The following ZMYND11 variants were observed in gnomAD, a reference collection of about 807,000 sequenced individuals.
ZMYND11 encodes zinc finger MYND domain-containing protein 11.
In ZMYND11, 9 loss-of-function variants were observed where a neutral mutation model predicts 84.9. The observed-to-expected ratio is 0.11, with a 90% CI of 0.06 to 0.18. The LOEUF (loss-of-function observed/expected upper bound fraction) is 0.18, where lower values mean the gene tolerates loss of function less well. ZMYND11 is among the 10% of genes least tolerant of loss of function. The probability of loss-of-function intolerance (pLI) is 1.00; values close to 1 mark genes in which losing one functional copy is unlikely to be tolerated. For synonymous variants in ZMYND11, 250 were observed against 244.1 expected, an observed-to-expected ratio of 1.02 and a Z score of -0.23; for missense variants, 409 against 761.0, an observed-to-expected ratio of 0.54 and a Z score of 5.44.
intron 3 of ZMYND11, among the ~76,000 whole-genome samples, chr10:211,462 T>C (rs993931189): frequency 2.0e-5 from 3 of 152,180 alleles, no homozygotes; most frequent in African/African-American, 7.2e-5. Context: ...TTTATTTTCT[T>C]TTCTGGCTCT....
At chr10:205,276 C>G (rs933698020) in intron 2 of ZMYND11, among the ~76,000 whole-genome samples, 3 of 152,156 alleles carry the variant, frequency 2.0e-5, no homozygotes, top group African/African-American at 7.2e-5. Flanking sequence ...GTAGTTGCTT[C>G]TATTTTAATT....
chr10:140,392 G>A (rs1006106685), intron 1 of ZMYND11, among the ~76,000 whole-genome samples: 1 of 152,256 alleles, frequency 6.6e-6, no homozygotes, highest in South Asian at 2.1e-4. Context: ...TTTTCCATTA[G>A]AAAATCCATA....
chr10:156,687 A>G (rs1841797879), intron 1 of ZMYND11, among the ~76,000 whole-genome samples: 1 of 152,212 alleles, frequency 6.6e-6, no homozygotes, highest in Non-Finnish European at 1.5e-5. Flanking sequence ...AGAACCATAA[A>G]TTTGGAAGTA....
chr10:157,457 C>T (rs1841981958), intron 1 of ZMYND11, among the ~76,000 whole-genome samples: 1 of 152,162 alleles, frequency 6.6e-6, no homozygotes, highest in African/African-American at 2.4e-5. Context: ...GCCTCAGCCT[C>T]CCAAAGTGCT....
intron 14 of ZMYND11, chr10:249,777 A>G (rs1952963383): frequency 1.0e-6 from 1 of 984,104 alleles, no homozygotes. Context: ...GACTATATAA[A>G]GTTTTGTGAT....
intron 6 of ZMYND11, among the ~76,000 whole-genome samples, chr10:238,625 G>A (rs997103480): frequency 2.0e-5 from 3 of 152,250 alleles, no homozygotes; most frequent in South Asian, 2.1e-4. Context: ...CAAAGTGCTG[G>A]GATTACAGGC....
chr10:137,846 C>G (rs1836483739), intron 1 of ZMYND11, among the ~76,000 whole-genome samples: 1 of 152,168 alleles, frequency 6.6e-6, no homozygotes, highest in Non-Finnish European at 1.5e-5. Flanking sequence ...GTGATTATGA[C>G]AGAATCAAAA....
At chr10:249,613 G>A (rs752491508) in intron 14 of ZMYND11, 22 of 985,126 alleles carry the variant, frequency 2.2e-5, no homozygotes, top group Non-Finnish European at 2.5e-5. Context: ...ATTTGTCATC[G>A]TGTCCTGCTC....
chr10:150,552 A>G (rs1423640178), intron 1 of ZMYND11, among the ~76,000 whole-genome samples: 1 of 152,022 alleles, frequency 6.6e-6, no homozygotes, highest in Non-Finnish European at 1.5e-5. Flanking sequence ...ATTGATGGCC[A>G]TTGCTGAGGC....
At position 254,199 on chromosome 10, in the gene ZMYND11, C is replaced by T. The variant is rs1953988794; in HGVS notation, c.*1729C>T. ...AGACTTCGATCCACCCCTATGAGAG[C>T]AAGTAATTGTGGAAATATTTTTGGT... On this transcript the variant is annotated 3_prime_UTR_variant, in exon 15 of 15. Coordinates refer to ENST00000381604, the MANE Select transcript of ZMYND11 (RefSeq NM_001370100.5). 2 of 152,468 alleles carry T rather than the reference C, an allele frequency of 1.3e-5. No individual in the cohort carries two copies. Among genetic ancestry groups the T allele is most frequent in the South Asian group, 2.1e-4 (1 of 4,818 alleles). The allele number at this position is 152,468 out of a possible 1,614,324, so 9.4% of individuals were successfully genotyped here.
rs60483060 is a variant in ZMYND11 at position 234,982 on chromosome 10, A to ATGTGTGTGTGTGTGTG, written c.439-1843_439-1828dup. On this transcript the variant is annotated intron_variant, in intron 4 of 14. Transcript: ENST00000381604. ...AGAGGTGCCCGCTAGTATTTCGCAAATGTGTGTGTGTGTGTGTGTGTGTGT... is the reference window on the plus strand; with the variant it reads ...AGAGGTGCCCGCTAGTATTTCGCAAATGTGTGTGTGTGTGTGTGTGTGTGTGTGTGTGTGTGTGTGT... Among the ~76,000 whole-genome samples the ATGTGTGTGTGTGTGTG allele has an allele frequency of 8.8e-3, 1,312 of 148,972 alleles. 13 individuals are homozygous for ATGTGTGTGTGTGTGTG. The highest frequency in any genetic ancestry group is 0.014 in the Non-Finnish European group (952 of 67,210).
intron 1 of ZMYND11, among the ~76,000 whole-genome samples, chr10:149,554 C>G (rs1839818675): frequency 6.6e-6 from 1 of 152,026 alleles, no homozygotes; most frequent in Non-Finnish European, 1.5e-5. Context: ...TCGTGATCCA[C>G]CCACCTCAGC....
intron 1 of ZMYND11, among the ~76,000 whole-genome samples, chr10:169,638 A>G (rs1844814450): frequency 6.6e-6 from 1 of 152,184 alleles, no homozygotes; most frequent in African/African-American, 2.4e-5. Flanking sequence ...AAACACTAAC[A>G]GACCGTAAAA....
chr10:194,060 C>CT (rs1458765692), intron 2 of ZMYND11, among the ~76,000 whole-genome samples: 23 of 152,300 alleles, frequency 1.5e-4, no homozygotes, highest in African/African-American at 5.3e-4. Flanking sequence ...TCTCAGCTCA[C>CT]TACAGCCTCA....
At chr10:153,516 C>T (rs1193901438) in intron 1 of ZMYND11, among the ~76,000 whole-genome samples, 2 of 152,124 alleles carry the variant, frequency 1.3e-5, no homozygotes, top group African/African-American at 4.8e-5. Context: ...GTTTCCTTTT[C>T]TTTTTTAAAT....
rs1281143514 is a variant in ZMYND11, at chr10:172,791, A to G, written c.-19-7203A>G. On this transcript the variant is annotated intron_variant, in intron 1 of 14. Coordinates refer to ENST00000381604, the MANE Select transcript of ZMYND11 (RefSeq NM_001370100.5). ...ACAAAATACCCAAAATAGTCATCAT[A>G]CTATTGAAGGACAAAGTCTGAGGAC... Among the ~76,000 whole-genome samples, 9 of 152,168 alleles carry G rather than the reference A, an allele frequency of 5.9e-5. No homozygotes were observed. In the South Asian group the frequency reaches 1.0e-3, roughly 18 times the overall value.
At chr10:207,709 T>G (rs1186111454) in intron 2 of ZMYND11, among the ~76,000 whole-genome samples, 3 of 152,120 alleles carry the variant, frequency 2.0e-5, no homozygotes, top group Non-Finnish European at 4.4e-5. Context: ...ATCGTGAAAA[T>G]GGCCATACTG....
chr10:228,531 G>A (rs1274727773), intron 4 of ZMYND11, among the ~76,000 whole-genome samples: 1 of 152,200 alleles, frequency 6.6e-6, no homozygotes. Context: ...CCTCTGCAGT[G>A]CAGAAGCGAT....
At chr10:140,523 T>A (rs1837268536) in intron 1 of ZMYND11, among the ~76,000 whole-genome samples, 1 of 152,178 alleles carries the variant, frequency 6.6e-6, no homozygotes, top group African/African-American at 2.4e-5. Context: ...CATTATTAGG[T>A]CTTAGGAGAG....
Sources: gnomAD v4.1 joint callset for allele counts (sites outside exome capture counted in the v4.1 genomes callset) on GRCh38, gnomAD v4.1.1 for gene constraint, MANE v1.5 for transcripts, NCBI Gene and HGNC (gene_info 2026-07-23, HGNC 2026-07-21) for gene names.